The following DNAH7 variants were observed in gnomAD, a reference collection of about 807,000 sequenced individuals.
The protein encoded by DNAH7 is axonemal beta dynein heavy chain 7.
A neutral mutation model predicts 444.6 loss-of-function variants in DNAH7; 397 were observed. The observed-to-expected ratio is 0.89, with a 90% confidence interval of 0.82 to 0.97. DNAH7 has a LOEUF of 0.97. DNAH7 is among the 50% of genes least tolerant of loss of function. The pLI is 0.00. For synonymous variants in DNAH7, 1,636 were observed against 1,624.4 expected, an observed-to-expected ratio of 1.01 and a Z score of -0.17; for missense variants, 4,902 against 4,800.8, an observed-to-expected ratio of 1.02 and a Z score of -0.62.
chr2:196,057,379 C>A (rs912490399), intron 2 of DNAH7, among the ~76,000 whole-genome samples: 1 of 152,042 alleles, frequency 6.6e-6, no homozygotes, highest in Non-Finnish European at 1.5e-5. Flanking sequence ...AAAGCTAATA[C>A]CTTTTTTCAA....
At chr2:195,791,500 A>G (rs1404033213) in intron 57 of DNAH7, among the ~76,000 whole-genome samples, 3 of 152,116 alleles carry the variant, frequency 2.0e-5, no homozygotes, top group Non-Finnish European at 4.4e-5. Context: ...CAGTTTGGAG[A>G]TTTCTTAAAT....
At chr2:195,854,206 T>C (rs570186006) in intron 45 of DNAH7, among the ~76,000 whole-genome samples, 6 of 152,362 alleles carry the variant, frequency 3.9e-5, no homozygotes, top group African/African-American at 1.2e-4. Context: ...TCCAGCAGAA[T>C]ATGTGAATTA....
At chr2:196,053,845 ACAGTTAAGTGCTAGAGGGACAGG>A (rs1313181142) in intron 2 of DNAH7, among the ~76,000 whole-genome samples, 9 of 152,180 alleles carry the variant, frequency 5.9e-5, no homozygotes. Flanking sequence ...AACAGGAAAC[ACAGTTAAGTGCTAGAGGGACAGG>A]CAGTTAAGAG....
chr2:195,841,432 T>C (rs554140097), intron 47 of DNAH7, among the ~76,000 whole-genome samples: 1 of 152,116 alleles, frequency 6.6e-6, no homozygotes, highest in Admixed American at 6.5e-5. Context: ...CTTCAGCTTA[T>C]ATTCAATTTT....
Position 195,934,581 on chromosome 2 carries a change from A to C in DNAH7, c.3471+10T>G. 1 of 1,613,046 alleles carries C rather than the reference A, an allele frequency of 6.2e-7. No homozygotes were observed. Among genetic ancestry groups the C allele is most frequent in the Non-Finnish European group, 8.5e-7 (1 of 1,179,112 alleles). The stretch of plus-strand genomic sequence containing the variant: ...ATCCTTTTCTAAAAATCATCAGTAT[A>C]ATCAGCTACCTTGTGGATGGAGTTA... On this transcript the variant is annotated intron_variant, in intron 21 of 64. Transcript: ENST00000312428.
chr2:195,905,585 T>G (rs753576285), intron 27 of DNAH7: 18 of 152,158 alleles, frequency 1.2e-4, no homozygotes, highest in Non-Finnish European at 2.2e-4. Context: ...GATTTGGTTT[T>G]GGATCCACAA....
intron 49 of DNAH7, among the ~76,000 whole-genome samples, chr2:195,823,611 C>A (rs1697574580): frequency 6.6e-6 from 1 of 152,060 alleles, no homozygotes; most frequent in Non-Finnish European, 1.5e-5. Context: ...CTGCTTGCCT[C>A]TGTAAATGAA....
intron 1 of DNAH7, among the ~76,000 whole-genome samples, chr2:196,058,870 C>G (rs966304002): frequency 1.5e-4 from 23 of 152,190 alleles, no homozygotes; most frequent in African/African-American, 2.9e-4. Flanking sequence ...CAAGAAGAAT[C>G]AAACAATCTT....
chr2:195,998,482 A>C (rs1693836843), intron 12 of DNAH7, among the ~76,000 whole-genome samples: 1 of 151,710 alleles, frequency 6.6e-6, no homozygotes. Flanking sequence ...GCTGAGCAGC[A>C]GGAGAATGGT....
intron 19 of DNAH7, among the ~76,000 whole-genome samples, chr2:195,942,265 A>G (rs1689501046): frequency 6.6e-6 from 1 of 152,070 alleles, no homozygotes; most frequent in South Asian, 2.1e-4. Context: ...AACACCGCAG[A>G]TATTTAGAGG....
intron 61 of DNAH7, among the ~76,000 whole-genome samples, chr2:195,757,621 G>A (rs753825709): frequency 4.6e-5 from 7 of 152,174 alleles, no homozygotes; most frequent in Non-Finnish European, 1.0e-4. Flanking sequence ...AAGCCCCCAA[G>A]TGTAGAAACA....
chr2:196,054,369 C>T (rs1179071931), intron 2 of DNAH7, among the ~76,000 whole-genome samples: 1 of 151,694 alleles, frequency 6.6e-6, no homozygotes, highest in Non-Finnish European at 1.5e-5. Flanking sequence ...AAAACAGATA[C>T]ACAAAAATAA....
intron 63 of DNAH7, among the ~76,000 whole-genome samples, chr2:195,747,682 T>C (rs1371530875): frequency 1.3e-5 from 2 of 152,174 alleles, no homozygotes; most frequent in Admixed American, 6.5e-5. Context: ...TGGTTCCATA[T>C]ATGCAAATCA....
chr2:195,947,770 T>C (rs912830721), intron 19 of DNAH7, among the ~76,000 whole-genome samples: 7 of 152,226 alleles, frequency 4.6e-5, no homozygotes, highest in African/African-American at 1.7e-4. Context: ...GCATGTGTCT[T>C]TATAGCAGAA....
At chr2:195,904,392 A>C (rs778218731) in intron 27 of DNAH7, 1 of 152,362 alleles carries the variant, frequency 6.6e-6, no homozygotes, top group African/African-American at 2.4e-5. Context: ...AGCATGTAGA[A>C]AGGCAAGGGA....
chr2:195,840,276 C>T lies in DNAH7; in HGVS notation c.8945+4726G>A, dbSNP rs986441148. 9.9e-5 allele frequency among the ~76,000 whole-genome samples: 15 copies of T among 151,670 alleles called. No individual in the cohort carries two copies. The East Asian group carries it at 1.3e-3, about 14-fold the overall frequency. ...AAAACTGTAGGATCAACTCAATAGA[C>T]GCAGAAAAAACATTTCACAAAATTT... On this transcript the variant is annotated intron_variant, in intron 47 of 64. Coordinates refer to ENST00000312428, the MANE Select transcript of DNAH7 (RefSeq NM_018897.3).
At chr2:196,045,687 G>T (rs1697076808) in intron 5 of DNAH7, among the ~76,000 whole-genome samples, 1 of 152,002 alleles carries the variant, frequency 6.6e-6, no homozygotes, top group Non-Finnish European at 1.5e-5. Flanking sequence ...AGAAAAAAAT[G>T]AATTTTCAAC....
intron 2 of DNAH7, among the ~76,000 whole-genome samples, chr2:196,052,484 TATTG>T (rs1697537190): frequency 6.6e-6 from 1 of 152,264 alleles, no homozygotes; most frequent in Non-Finnish European, 1.5e-5. Context: ...AATGTTTATA[TATTG>T]ATTAGAGCAT....
chr2:195,839,593 A>T (rs1336757228), intron 47 of DNAH7, among the ~76,000 whole-genome samples: 1 of 151,780 alleles, frequency 6.6e-6, no homozygotes, highest in African/African-American at 2.4e-5. Context: ...CCTATATAGG[A>T]TCAACAAAAT....
Sources: allele counts gnomAD v4.1 joint callset (sites outside exome capture counted in the v4.1 genomes callset), GRCh38; gene constraint gnomAD v4.1.1; transcripts MANE v1.5; gene names NCBI Gene and HGNC (gene_info 2026-07-23, HGNC 2026-07-21).